RPS6KA2: variants seen among roughly 807,000 people sequenced by gnomAD.
The protein encoded by RPS6KA2 is ribosomal protein S6 kinase alpha-2.
Under a neutral mutation model 91.8 loss-of-function variants are expected in RPS6KA2, and 42 were observed. The ratio of observed to expected loss-of-function variants is 0.46; its 90% confidence interval spans 0.36 to 0.59. The LOEUF (loss-of-function observed/expected upper bound fraction) is 0.59. Among genes scored for constraint, RPS6KA2 ranks in the 20% least tolerant of loss-of-function variants. RPS6KA2 has a pLI of 0.00. For missense variants in RPS6KA2, 798 were observed against 978.5 expected (o/e 0.82, Z 2.46); for synonymous variants, 414 against 393.6 (o/e 1.05, Z -0.61).
chr6:166,492,720 C>CTTT (rs10533292), intron 8 of RPS6KA2, among the ~76,000 whole-genome samples: 5,999 of 141,050 alleles, frequency 0.043, 375 homozygotes, highest in African/African-American at 0.13. Flanking sequence ...TTTTTCTTTT[C>CTTT]TTTTTTTTTT....
chr6:166,795,602 G>A (rs1202289794), intron 2 of RPS6KA2, among the ~76,000 whole-genome samples: 2 of 152,194 alleles, frequency 1.3e-5, no homozygotes, highest in African/African-American at 2.4e-5. Flanking sequence ...GGTAATCATC[G>A]TGGTTGGAGG....
At chr6:166,461,135 G>C (rs1583164346) in intron 11 of RPS6KA2, among the ~76,000 whole-genome samples, 1 of 152,190 alleles carries the variant, frequency 6.6e-6, no homozygotes, top group Non-Finnish European at 1.5e-5. Context: ...CAAGAGCTCA[G>C]GGCGTGCACG....
chr6:166,829,400 G>T (rs11961382), intron 2 of RPS6KA2, among the ~76,000 whole-genome samples: 19,696 of 151,872 alleles, frequency 0.13, 1,502 homozygotes, highest in East Asian at 0.28. Context: ...GACCATCCTG[G>T]CTAACACAGA....
At chr6:166,715,376 A>C (rs919099850) in intron 2 of RPS6KA2, among the ~76,000 whole-genome samples, 1 of 152,262 alleles carries the variant, frequency 6.6e-6, no homozygotes, top group Non-Finnish European at 1.5e-5. Context: ...CCTCTTAAAA[A>C]GGAGTAAACT....
rs527951666 is a variant in RPS6KA2, at chr6:166,538,531, G to A, written c.216+137C>T. The A allele has an allele frequency of 2.7e-4, 143 of 531,150 alleles. 3 individuals carry two copies. In the South Asian group the frequency reaches 3.4e-3, roughly 13 times the overall value. The allele number at this position is 531,150 out of a possible 1,614,324, so 32.9% of individuals were successfully genotyped here. The stretch of plus-strand genomic sequence containing the variant: ...TTCTGGCTGTGCAAAGTGAGACCCC[G>A]GTTCTGAACTGTCCAGGTTCCCGTG... On this transcript the variant is annotated intron_variant, in intron 2 of 20. Coordinates refer to ENST00000265678, the MANE Select transcript of RPS6KA2 (RefSeq NM_021135.6).
chr6:166,424,733 C>T (rs904803958), intron 16 of RPS6KA2, among the ~76,000 whole-genome samples: 3 of 152,342 alleles, frequency 2.0e-5, no homozygotes, highest in South Asian at 2.1e-4. Context: ...GTGAGGCCCA[C>T]GTGAACCTCA....
In RPS6KA2 at chr6:166,852,660, G is replaced by C. The variant is rs1487312743; in HGVS notation, c.123+5540C>G. ...GGGGACTCGTCGAGGGGTCCAAGCAGCAACGGCTCGGCAACTCCGGGAGCT... is the reference window on the plus strand; with the variant it reads ...GGGGACTCGTCGAGGGGTCCAAGCACCAACGGCTCGGCAACTCCGGGAGCT... On this transcript the variant is annotated intron_variant, in intron 2 of 21. Transcript: ENST00000503859. This position sits in a 1 kb window ranked among gnomAD's most constrained non-coding sequence, Gnocchi z 4.1. 6.6e-6 allele frequency among the ~76,000 whole-genome samples: 1 copy of C among 152,068 alleles called. No homozygotes were observed. The highest frequency in any genetic ancestry group is 2.4e-5 in the African/African-American group (1 of 41,410).
chr6:166,586,540 C>T (rs1785180510), intron 1 of RPS6KA2: 1 of 1,493,794 alleles, frequency 6.7e-7, no homozygotes, highest in Admixed American at 1.7e-5. Context: ...TTAAATCCGC[C>T]AAGGGCTATG....
In RPS6KA2 at chr6:166,488,220, T is replaced by C. The variant is rs113270776; in HGVS notation, c.907+613A>G. On this transcript the variant is annotated intron_variant, in intron 10 of 20. Coordinates refer to ENST00000265678, the MANE Select transcript of RPS6KA2 (RefSeq NM_021135.6). ...TGTCTAAACCGGAAACACCCTGCTC[T>C]TGCTGCTGTCTGAACCGAAAACACC... Among the ~76,000 whole-genome samples, 321 of 150,018 alleles carry C rather than the reference T, an allele frequency of 2.1e-3. 2 individuals carry two copies. The highest frequency in any genetic ancestry group is 3.8e-3 in the Non-Finnish European group (260 of 67,770).
chr6:166,701,678 G>A (rs1789526023), intron 2 of RPS6KA2: 3 of 1,273,694 alleles, frequency 2.4e-6, no homozygotes, highest in Admixed American at 1.7e-5. Context: ...CCTGAGGTGG[G>A]AGGTGGCATC....
At chr6:166,685,840 C>A (rs1583019563) in intron 2 of RPS6KA2, among the ~76,000 whole-genome samples, 4 of 152,222 alleles carry the variant, frequency 2.6e-5, no homozygotes, top group Non-Finnish European at 5.9e-5. Context: ...TAAGCTGGGT[C>A]TGTGCCTCTA....
chr6:166,616,333 C>A (rs111301062), intron 1 of RPS6KA2, among the ~76,000 whole-genome samples: 1 of 152,194 alleles, frequency 6.6e-6, no homozygotes, highest in Non-Finnish European at 1.5e-5. Context: ...AAAGCCCCAA[C>A]CCCGACGCAT....
intron 16 of RPS6KA2, 34 bp downstream of exon 16, chr6:166,430,419 C>T (rs1316557735): frequency 1.3e-6 from 2 of 1,583,792 alleles, no homozygotes; most frequent in East Asian, 2.3e-5. Flanking sequence ...GAAGCTCCCT[C>T]CTCCCCGAAG....
intron 12 of RPS6KA2, among the ~76,000 whole-genome samples, chr6:166,451,750 G>A (rs936003301): frequency 2.6e-5 from 4 of 152,158 alleles, no homozygotes; most frequent in African/African-American, 9.7e-5. Context: ...AGGACATTTG[G>A]GCAACGTTTC....
At chr6:166,462,614 T>C (rs921991242) in intron 11 of RPS6KA2, among the ~76,000 whole-genome samples, 7 of 152,196 alleles carry the variant, frequency 4.6e-5, no homozygotes, top group African/African-American at 1.7e-4. Context: ...CTCTGCCCCA[T>C]CTGTGCCTAG....
intron 2 of RPS6KA2, among the ~76,000 whole-genome samples, chr6:166,768,623 A>T (rs1778385568): frequency 6.6e-6 from 1 of 152,064 alleles, no homozygotes; most frequent in Admixed American, 6.5e-5. Flanking sequence ...GTAGGGAGGG[A>T]GAGAGAGAGG....
At chr6:166,505,594 G>A (rs530390899) in intron 5 of RPS6KA2, among the ~76,000 whole-genome samples, 2 of 152,348 alleles carry the variant, frequency 1.3e-5, no homozygotes, top group East Asian at 1.9e-4. Context: ...AGGCTGCCCG[G>A]CAAACACAAA....
In RPS6KA2 at chr6:166,530,182, C is replaced by T. The variant is rs372198335; in HGVS notation, c.298+1050G>A. Among the ~76,000 whole-genome samples, 23 of 152,318 alleles carry T rather than the reference C, an allele frequency of 1.5e-4. 1 individual carries two copies. In the East Asian group the frequency reaches 3.3e-3, roughly 22 times the overall value. On this transcript the variant is annotated intron_variant, in intron 3 of 20. Coordinates refer to ENST00000265678, the MANE Select transcript of RPS6KA2 (RefSeq NM_021135.6). The stretch of plus-strand genomic sequence containing the variant: ...TTGCAAGACCTAAAAATTCAAGTGC[C>T]GCCTTCACATCTCAGAGCCTCATGG...
chr6:166,698,984 T>A (rs2128574633), intron 2 of RPS6KA2, among the ~76,000 whole-genome samples: 1 of 152,254 alleles, frequency 6.6e-6, no homozygotes, highest in East Asian at 1.9e-4. Flanking sequence ...GGTGGTCAGA[T>A]GTGTTTTTCA....
Sources: allele counts gnomAD v4.1 joint callset (sites outside exome capture counted in the v4.1 genomes callset), GRCh38; gene constraint gnomAD v4.1.1; non-coding constraint Gnocchi (gnomAD v3.1); transcripts MANE v1.5; gene names NCBI Gene and HGNC (gene_info 2026-07-23, HGNC 2026-07-21).